PTPRD: variants seen among roughly 807,000 people sequenced by gnomAD.
PTPRD encodes the protein protein tyrosine phosphatase receptor type D.
A neutral mutation model predicts 214.5 loss-of-function variants in PTPRD; 34 were observed. That is an observed-to-expected ratio of 0.16 (90% CI 0.12 to 0.21). The LOEUF (loss-of-function observed/expected upper bound fraction) is 0.21. Ranked by LOEUF, PTPRD falls within the 10% of genes least tolerant of loss-of-function variation. The pLI, the probability that PTPRD is intolerant of heterozygous loss-of-function variation, is 1.00. For missense variants in PTPRD, 2,545 were observed against 2,398.7 expected (o/e 1.06, Z -1.27); for synonymous variants, 1,128 against 845.7 (o/e 1.33, Z -5.79).
At chr9:9,324,604 TAGGTAGATTGCAA>T (rs1340915544) in intron 9 of PTPRD, among the ~76,000 whole-genome samples, 1 of 152,228 alleles carries the variant, frequency 6.6e-6, no homozygotes, top group African/African-American at 2.4e-5. Flanking sequence ...CTTTGACAGA[TAGGTAGATTGCAA>T]AAGTTTTCTC....
At chr9:9,419,833 C>A (rs1414151739) in intron 8 of PTPRD, among the ~76,000 whole-genome samples, 1 of 151,618 alleles carries the variant, frequency 6.6e-6, no homozygotes, top group Non-Finnish European at 1.5e-5. Flanking sequence ...ACATATTAAA[C>A]ACTTAATATC....
chr9:8,538,792 C>G (rs2077607103), intron 14 of PTPRD, among the ~76,000 whole-genome samples: 1 of 151,660 alleles, frequency 6.6e-6, no homozygotes, highest in African/African-American at 2.4e-5. Flanking sequence ...GCAGTAATAC[C>G]CAGTAGCAAT....
chr9:9,607,965 G>C (rs1454449593), intron 7 of PTPRD, among the ~76,000 whole-genome samples: 1 of 152,114 alleles, frequency 6.6e-6, no homozygotes, highest in African/African-American at 2.4e-5. Flanking sequence ...TGGCAGTGAG[G>C]AAACAGTCTG....
In PTPRD at chr9:9,390,888, G is replaced by A. The variant is rs1008117695; in HGVS notation, c.-203+6561C>T. Among the ~76,000 whole-genome samples, 15 of 152,118 alleles carry A rather than the reference G, an allele frequency of 9.9e-5. 1 individual carries two copies. Among genetic ancestry groups the A allele is most frequent in the Non-Finnish European group, 1.5e-5 (1 of 68,022 alleles). On this transcript the variant is annotated intron_variant, in intron 9 of 45. Transcript: ENST00000381196. ...GCTGGTTGTGAGGGGTAGTGACCTGGCAAATAGTAATCACAGGCAAGTGTT... is the reference window on the plus strand; with the variant it reads ...GCTGGTTGTGAGGGGTAGTGACCTGACAAATAGTAATCACAGGCAAGTGTT...
chr9:8,761,646 G>A (rs745383041), intron 11 of PTPRD, among the ~76,000 whole-genome samples: 3 of 152,054 alleles, frequency 2.0e-5, no homozygotes, highest in Admixed American at 1.3e-4. Flanking sequence ...ATAACTAATC[G>A]CTAACTGTAA....
chr9:8,481,356 A>G (rs1446377182), intron 30 of PTPRD, among the ~76,000 whole-genome samples: 1 of 152,106 alleles, frequency 6.6e-6, no homozygotes, highest in Non-Finnish European at 1.5e-5. Context: ...CAAATAAACA[A>G]TAATTGAAAG....
intron 10 of PTPRD, among the ~76,000 whole-genome samples, chr9:9,178,137 A>G (rs1348644): frequency 0.32 from 49,201 of 151,872 alleles, 8,575 homozygotes; most frequent in East Asian, 0.41. Context: ...CAGCTACTCA[A>G]TAATGAAAGT....
chr9:10,422,337 A>C (rs1433873616), intron 2 of PTPRD, among the ~76,000 whole-genome samples: 1 of 152,098 alleles, frequency 6.6e-6, no homozygotes, highest in Non-Finnish European at 1.5e-5. Context: ...TAAATGTTAG[A>C]CCTGAAACCA....
chr9:9,608,489 C>T (rs191774507), intron 7 of PTPRD, among the ~76,000 whole-genome samples: 14 of 152,260 alleles, frequency 9.2e-5, no homozygotes, highest in African/African-American at 3.4e-4. Context: ...TTTTCTCCCG[C>T]ATAAAGTAAC....
chr9:9,080,655 T>A (rs2099757662), intron 10 of PTPRD, among the ~76,000 whole-genome samples: 1 of 152,146 alleles, frequency 6.6e-6, no homozygotes, highest in African/African-American at 2.4e-5. Context: ...CTTCTGGGTC[T>A]ATCCCACTTA....
chr9:9,200,129 C>T (rs369796136), intron 9 of PTPRD, among the ~76,000 whole-genome samples: 2 of 152,330 alleles, frequency 1.3e-5, no homozygotes, highest in East Asian at 3.9e-4. Flanking sequence ...TCTGCTCCTA[C>T]TGGGAGCCAT....
intron 11 of PTPRD, among the ~76,000 whole-genome samples, chr9:8,798,337 A>T (rs938972790): frequency 2.6e-5 from 4 of 152,156 alleles, no homozygotes; most frequent in Non-Finnish European, 5.9e-5. Context: ...CACTTTAAAA[A>T]TTTTTTAACA....
chr9:9,965,625 C>T (rs1302967141), intron 4 of PTPRD, among the ~76,000 whole-genome samples: 4 of 152,102 alleles, frequency 2.6e-5, no homozygotes, highest in Non-Finnish European at 5.9e-5. Flanking sequence ...TTCTTTTCTC[C>T]TCTGACCTAA....
chr9:8,962,220 G>T (rs534269084), intron 11 of PTPRD: 1 of 152,200 alleles, frequency 6.6e-6, no homozygotes, highest in Non-Finnish European at 1.5e-5. Flanking sequence ...TAATTACTTG[G>T]TGAGAACAAG....
At chr9:9,346,664 C>G (rs894078840) in intron 9 of PTPRD, among the ~76,000 whole-genome samples, 1 of 151,942 alleles carries the variant, frequency 6.6e-6, no homozygotes, top group East Asian at 1.9e-4. Flanking sequence ...TTTATTTGTA[C>G]TATTCTATTA....
intron 8 of PTPRD, among the ~76,000 whole-genome samples, chr9:9,571,246 C>T (rs1047476488): frequency 6.6e-6 from 1 of 151,204 alleles, no homozygotes; most frequent in African/African-American, 2.4e-5. Flanking sequence ...TTCTATCAGA[C>T]ACAAAATAAG....
chr9:10,419,707 A>T (rs924603955), intron 2 of PTPRD, among the ~76,000 whole-genome samples: 8 of 151,784 alleles, frequency 5.3e-5, no homozygotes, highest in African/African-American at 1.4e-4. Context: ...AAGAGGTCCA[A>T]TTAGGATTTA....
At chr9:8,476,799 G>T (rs1259176435) in intron 30 of PTPRD, among the ~76,000 whole-genome samples, 1 of 152,124 alleles carries the variant, frequency 6.6e-6, no homozygotes, top group African/African-American at 2.4e-5. Context: ...TGGCTCTTAG[G>T]AATTAATGCC....
intron 26 of PTPRD, among the ~76,000 whole-genome samples, chr9:8,495,500 G>A (rs2097244479): frequency 6.6e-6 from 1 of 152,040 alleles, no homozygotes; most frequent in Non-Finnish European, 1.5e-5. Context: ...CTAAGTCACT[G>A]GATTTTAAAC....
Sources: gnomAD v4.1 joint callset for allele counts (sites outside exome capture counted in the v4.1 genomes callset) on GRCh38, gnomAD v4.1.1 for gene constraint, MANE v1.5 for transcripts, NCBI Gene and HGNC (gene_info 2026-07-23, HGNC 2026-07-21) for gene names.